Variants in KCNT1 observed in about 807,000 individuals in gnomAD.
KCNT1 encodes the protein potassium sodium-activated channel subfamily T member 1.
KCNT1 carries 78 observed loss-of-function variants against 147.8 expected under a neutral mutation model. The observed-to-expected ratio is 0.53, with a 90% CI of 0.44 to 0.64. The LOEUF (loss-of-function observed/expected upper bound fraction) is 0.64. KCNT1 is among the 30% of genes least tolerant of loss of function. The probability of loss-of-function intolerance (pLI) is 0.00; values close to 1 mark genes in which losing one functional copy is unlikely to be tolerated. For missense variants in KCNT1, 1,419 were observed against 1,750.3 expected (o/e 0.81, Z 3.38); for synonymous variants, 867 against 748.8 (o/e 1.16, Z -2.58).
At chr9:135,712,192 A>T (rs1835528320) in intron 1 of KCNT1, among the ~76,000 whole-genome samples, 1 of 152,148 alleles carries the variant, frequency 6.6e-6, no homozygotes, top group Non-Finnish European at 1.5e-5. Flanking sequence ...CCGTCACCTC[A>T]GCCCTGGCTC....
intron 29 of KCNT1, chr9:135,788,012 C>T (rs549916348): frequency 2.3e-5 from 23 of 986,728 alleles, no homozygotes; most frequent in African/African-American, 4.8e-5. Context: ...CCCCTGCACC[C>T]GCCCACTGTG....
At chr9:135,768,239 GCGGGGGGGGGGGGGGGGGCACTGGGATA>G (rs1327305731) in intron 13 of KCNT1, among the ~76,000 whole-genome samples, 1 of 38,836 alleles carries the variant, frequency 2.6e-5, no homozygotes, top group Non-Finnish European at 7.4e-5. Context: ...CAGGATGCCT[GCGGGGGGGGGGGGGGGGGCACTGGGATA>G]CCGGTGGGGG....
At chr9:135,747,987 G>A (rs1477199114) in intron 2 of KCNT1, among the ~76,000 whole-genome samples, 4 of 152,096 alleles carry the variant, frequency 2.6e-5, no homozygotes, top group Non-Finnish European at 5.9e-5. Flanking sequence ...TGTCACCTAG[G>A]CTAGGGTGCA....
At chr9:135,744,484 G>A (rs1251306453) in intron 2 of KCNT1, among the ~76,000 whole-genome samples, 1 of 152,224 alleles carries the variant, frequency 6.6e-6, no homozygotes, top group Non-Finnish European at 1.5e-5. Context: ...CTGGGGCAGA[G>A]CCGCCACCTG....
At chr9:135,761,054 G>T (rs1476446686) in intron 11 of KCNT1, among the ~76,000 whole-genome samples, 1 of 151,728 alleles carries the variant, frequency 6.6e-6, no homozygotes, top group Admixed American at 6.6e-5. Flanking sequence ...TAGAGATAGG[G>T]TCTCACTCTC....
rs756359375 is a variant in KCNT1, at chr9:135,772,928, A to C, written c.2222A>C (p.Asp741Ala). ...GAGGATGAGGTGACGCCGTCGGACG[A>C]CGAGGGGCTCTCCGTGGTAGAGTGA... ...QSEDEVTPSDDEGLSVVEYVK... is the reference protein window; with the variant it reads ...QSEDEVTPSDAEGLSVVEYVK... The change falls in exon 19 of 31, where the codon GAC becomes GCC. Residue 741 changes from aspartate to alanine, a missense_variant. Physicochemically the swap from Asp to Ala is moderately radical, Grantham distance 126. Around this residue, in one of 5 missense-constraint regions of KCNT1, gnomAD observed 284 missense variants for 292.8 expected, o/e 0.97. Transcript: ENST00000371757. 3.3e-6 allele frequency: 5 copies of C among 1,517,730 alleles called. No homozygotes were observed. Among genetic ancestry groups the C allele is most frequent in the African/African-American group, 1.4e-5 (1 of 72,194 alleles). The allele number at this position is 1,517,730 out of a possible 1,614,324, so 94.0% of individuals were successfully genotyped here.
intron 13 of KCNT1, 129 bp downstream of exon 13, chr9:135,765,889 C>T: frequency 1.5e-5 from 13 of 878,994 alleles, no homozygotes; most frequent in East Asian, 2.7e-5. Context: ...AGACTATCCC[C>T]AGGGTGGACC....
chr9:135,734,812 C>T (rs956770660), intron 2 of KCNT1, among the ~76,000 whole-genome samples: 1 of 152,064 alleles, frequency 6.6e-6, no homozygotes, highest in Non-Finnish European at 1.5e-5. Context: ...AGCCCAGGCA[C>T]CCTCCCTCCC....
At chr9:135,718,792 C>G (rs1462161448) in intron 2 of KCNT1, among the ~76,000 whole-genome samples, 2 of 152,198 alleles carry the variant, frequency 1.3e-5, no homozygotes, top group Admixed American at 6.5e-5. Context: ...CCTGTTTCCC[C>G]CGGGAGTAGA....
intron 29 of KCNT1, chr9:135,791,364 G>A (rs1834508544): frequency 4.6e-6 from 1 of 217,506 alleles, no homozygotes. Context: ...AAATGTGTGT[G>A]GAATACAGAG....
chr9:135,770,790 G>C (rs1281820071), intron 17 of KCNT1, 67 bp from the exon 18 acceptor site: 8 of 1,394,340 alleles, frequency 5.7e-6, no homozygotes, highest in Non-Finnish European at 2.0e-6. Flanking sequence ...TTTGCAGGAA[G>C]GGCAGGCAGG....
chr9:135,778,554 C>G, intron 22 of KCNT1, 59 bp downstream of exon 22: 2 of 1,605,254 alleles, frequency 1.2e-6, no homozygotes, highest in Non-Finnish European at 1.7e-6. Flanking sequence ...CCCTCCTCTT[C>G]CAAAGTCTGG....
chr9:135,728,007 T>C (rs1836288018), intron 2 of KCNT1, among the ~76,000 whole-genome samples: 1 of 152,256 alleles, frequency 6.6e-6, no homozygotes, highest in South Asian at 2.1e-4. Context: ...GCAATATTTG[T>C]GTTATGCACA....
chr9:135,791,544 A>G (rs566928850), intron 29 of KCNT1: 23 of 507,722 alleles, frequency 4.5e-5, no homozygotes, highest in Non-Finnish European at 7.9e-5. Flanking sequence ...GCCACCTAGC[A>G]CCAGAGGTGG....
intron 19 of KCNT1, 49 bp downstream of exon 19, chr9:135,772,998 T>C (rs1028523973): frequency 2.3e-6 from 3 of 1,302,520 alleles, no homozygotes; most frequent in East Asian, 2.8e-5. Context: ...GAGCCGCCCA[T>C]GAGTGCGGGG....
intron 19 of KCNT1, 50 bp from the exon 20 acceptor site, chr9:135,775,260 C>A: frequency 6.9e-7 from 1 of 1,458,186 alleles, no homozygotes; most frequent in Non-Finnish European, 9.4e-7. Context: ...CCAGAGCAGA[C>A]CCAGCCACCT....
chr9:135,774,355 G>A (rs1409168147), intron 19 of KCNT1, among the ~76,000 whole-genome samples: 4 of 143,322 alleles, frequency 2.8e-5, no homozygotes, highest in Admixed American at 6.9e-5. Flanking sequence ...CGTGTGTGGT[G>A]CGTGTTGTGT....
At chr9:135,712,009 G>A (rs544018908) in intron 1 of KCNT1, among the ~76,000 whole-genome samples, 1 of 152,314 alleles carries the variant, frequency 6.6e-6, no homozygotes, top group South Asian at 2.1e-4. Context: ...GTGACTCGCC[G>A]GGGGCCGCCC....
intron 22 of KCNT1, 32 bp from the exon 23 acceptor site, chr9:135,778,656 C>T (rs1285930985): frequency 6.2e-7 from 1 of 1,612,570 alleles, no homozygotes; most frequent in Non-Finnish European, 8.5e-7. Flanking sequence ...TGGGCCGCAT[C>T]CTCAGCCACG....
Sources: allele counts gnomAD v4.1 joint callset (sites outside exome capture counted in the v4.1 genomes callset), GRCh38; gene constraint gnomAD v4.1.1; regional missense constraint gnomAD v4.1.1; transcripts MANE v1.5; gene names NCBI Gene and HGNC (gene_info 2026-07-23, HGNC 2026-07-21).